Variants in NCKAP5 observed in about 807,000 individuals in gnomAD.
NCKAP5 encodes nck-associated protein 5.
Under a neutral mutation model 167.0 loss-of-function variants are expected in NCKAP5, and 92 were observed. The observed-to-expected ratio is 0.55, with a 90% CI of 0.47 to 0.66. NCKAP5 has a LOEUF of 0.66. Ranked by LOEUF, NCKAP5 falls within the 30% of genes least tolerant of loss-of-function variation. The pLI, the probability that NCKAP5 is intolerant of heterozygous loss-of-function variation, is 0.00. For missense variants in NCKAP5, 2,378 were observed against 2,315.0 expected (o/e 1.03, Z -0.56); for synonymous variants, 891 against 877.4 (o/e 1.02, Z -0.27).
chr2:132,955,498 TA>T, intron 8 of NCKAP5, among the ~76,000 whole-genome samples: 1 of 152,228 alleles, frequency 6.6e-6, no homozygotes, highest in Non-Finnish European at 1.5e-5. Flanking sequence ...CATTCTTTTT[TA>T]TGGCTGCATA....
Position 132,692,154 on chromosome 2 carries a change from A to ATTTTT in NCKAP5, c.5714-18854_5714-18850dup, listed in dbSNP as rs1553472636. 4.8e-3 allele frequency among the ~76,000 whole-genome samples: 679 copies of ATTTTT among 141,862 alleles called. 7 individuals carry two copies. Among genetic ancestry groups the ATTTTT allele is most frequent in the African/African-American group, 0.017 (607 of 35,178 alleles). The allele number at this position is 141,862 out of a possible 152,430, so 93.1% of individuals were successfully genotyped here. Reference sequence around the variant, plus strand: ...ATTTTATTTTATTTTATTTTATTTTATTTTTTGAGACAGAGTCTCACTCTA... The same window carrying ATTTTT: ...ATTTTATTTTATTTTATTTTATTTTATTTTTTTTTTTGAGACAGAGTCTCACTCTA... On this transcript the variant is annotated intron_variant, in intron 19 of 19. Coordinates refer to ENST00000409261, the MANE Select transcript of NCKAP5 (RefSeq NM_207363.3).
At chr2:132,875,400 C>T (rs1196304234) in intron 9 of NCKAP5, among the ~76,000 whole-genome samples, 1 of 152,184 alleles carries the variant, frequency 6.6e-6, no homozygotes, top group African/African-American at 2.4e-5. Context: ...TGACTGCATT[C>T]TGTGTTTCCA....
intron 6 of NCKAP5, among the ~76,000 whole-genome samples, chr2:133,096,323 T>G (rs2081342651): frequency 1.3e-5 from 2 of 151,904 alleles, no homozygotes. Context: ...AAACCCCATC[T>G]CTAGTAAAAA....
At chr2:132,867,201 G>T (rs1486000521) in intron 10 of NCKAP5, among the ~76,000 whole-genome samples, 1 of 151,874 alleles carries the variant, frequency 6.6e-6, no homozygotes, top group Non-Finnish European at 1.5e-5. Flanking sequence ...CTTTCCTGAG[G>T]CACCATTAAC....
At chr2:133,171,262 T>C (rs148564167) in intron 5 of NCKAP5, among the ~76,000 whole-genome samples, 1 of 152,342 alleles carries the variant, frequency 6.6e-6, no homozygotes, top group East Asian at 1.9e-4. Flanking sequence ...AGTAGGCCAT[T>C]ACATGCTTAA....
intron 6 of NCKAP5, among the ~76,000 whole-genome samples, chr2:133,059,958 G>A (rs1477825630): frequency 2.0e-5 from 3 of 151,862 alleles, no homozygotes; most frequent in Admixed American, 1.3e-4. Context: ...AGGGAGGAAA[G>A]AGAAAGTTCC....
the NCKAP5 span, among the ~76,000 whole-genome samples, chr2:133,622,237 C>T: frequency 6.6e-6 from 1 of 152,108 alleles, no homozygotes; most frequent in East Asian, 1.9e-4. Flanking sequence ...GACAAGGATG[C>T]CCACTTTCAC....
chr2:133,594,334 T>C, the NCKAP5 span, among the ~76,000 whole-genome samples: 1 of 152,164 alleles, frequency 6.6e-6, no homozygotes, highest in Non-Finnish European at 1.5e-5. Flanking sequence ...TCTCTCACTC[T>C]CACTCTCTCT....
At chr2:133,128,600 T>C (rs186546729) in intron 6 of NCKAP5, among the ~76,000 whole-genome samples, 47 of 133,466 alleles carry the variant, frequency 3.5e-4, no homozygotes, top group Non-Finnish European at 5.1e-4. Flanking sequence ...CTCTCTCTCT[T>C]TTTTTTTTTG....
chr2:133,359,165 G>C (rs1684929217), intron 3 of NCKAP5, among the ~76,000 whole-genome samples: 2 of 152,108 alleles, frequency 1.3e-5, no homozygotes, highest in African/African-American at 4.8e-5. Context: ...CAGGCACCTT[G>C]GTATTATCAG....
chr2:132,794,308 G>GAGAGAGAGA (rs1558788607), intron 12 of NCKAP5, among the ~76,000 whole-genome samples: 2 of 50,088 alleles, frequency 4.0e-5, no homozygotes, highest in Admixed American at 2.0e-4. Context: ...AGAGAGAGAG[G>GAGAGAGAGA]GTGGCGGGAA....
chr2:132,800,953 CT>C (rs1684984223), intron 11 of NCKAP5, among the ~76,000 whole-genome samples: 3 of 152,204 alleles, frequency 2.0e-5, no homozygotes, highest in Admixed American at 6.5e-5. Flanking sequence ...CCTCTTCTTT[CT>C]GGGGGCACGG....
chr2:133,653,722 T>A, the NCKAP5 span, among the ~76,000 whole-genome samples: 14,406 of 152,108 alleles, frequency 0.095, 782 homozygotes, highest in African/African-American at 0.12. Context: ...GATCCTAGAG[T>A]TCTGTAAGCT....
chr2:132,801,942 GA>G (rs1191402197), intron 11 of NCKAP5, among the ~76,000 whole-genome samples: 1 of 152,122 alleles, frequency 6.6e-6, no homozygotes, highest in African/African-American at 2.4e-5. Context: ...AGGTGCATTT[GA>G]GCCTTTGGCT....
At chr2:133,455,917 C>T (rs1249926569) in intron 3 of NCKAP5, among the ~76,000 whole-genome samples, 1 of 152,080 alleles carries the variant, frequency 6.6e-6, no homozygotes, top group African/African-American at 2.4e-5. Context: ...GGCAAAAACG[C>T]ACTGTAACTT....
chr2:133,213,606 A>G, intron 5 of NCKAP5, 110 bp downstream of exon 5: 4 of 1,014,606 alleles, frequency 3.9e-6, no homozygotes, highest in Non-Finnish European at 6.0e-6. Flanking sequence ...AATATCATTA[A>G]GTTTGCTGCA....
At chr2:133,289,032 A>G (rs1348417152) in intron 4 of NCKAP5, among the ~76,000 whole-genome samples, 3 of 152,206 alleles carry the variant, frequency 2.0e-5, no homozygotes, top group Non-Finnish European at 1.5e-5. Flanking sequence ...ACCACAGAGT[A>G]AGTAGCAGAG....
intron 12 of NCKAP5, among the ~76,000 whole-genome samples, chr2:132,791,859 AC>A (rs1684097960): frequency 6.6e-6 from 1 of 152,126 alleles, no homozygotes; most frequent in South Asian, 2.1e-4. Flanking sequence ...TCTAATCAAT[AC>A]CTATAATGCT....
chr2:132,900,489 T>C (rs1258671256), intron 8 of NCKAP5, among the ~76,000 whole-genome samples: 1 of 152,130 alleles, frequency 6.6e-6, no homozygotes, highest in Non-Finnish European at 1.5e-5. Context: ...CATACACATA[T>C]GAATTATTGT....
Sources: allele counts gnomAD v4.1 joint callset (sites outside exome capture counted in the v4.1 genomes callset), GRCh38; gene constraint gnomAD v4.1.1; transcripts MANE v1.5; gene names NCBI Gene and HGNC (gene_info 2026-07-23, HGNC 2026-07-21).